The following SCAND3 variants were observed in gnomAD, a reference collection of about 807,000 sequenced individuals.
SCAND3 encodes the protein SCAN domain containing 3.
the SCAND3 span, chr6:28,572,168 C>G: frequency 6.2e-7 from 1 of 1,613,990 alleles, no homozygotes; most frequent in South Asian, 1.1e-5. This position sits in a 1 kb window ranked among gnomAD's most constrained non-coding sequence, Gnocchi z 4.1. Flanking sequence ...GCTGTATTTT[C>G]AAAACTGATT....
the SCAND3 span, chr6:28,575,977 A>G: frequency 1.9e-6 from 3 of 1,613,714 alleles, no homozygotes; most frequent in East Asian, 6.7e-5. This position sits in a 1 kb window ranked among gnomAD's most constrained non-coding sequence, Gnocchi z 4.2. Context: ...TTTAGAAAAT[A>G]TCTTAGTATT....
the SCAND3 span, chr6:28,575,077 C>T: frequency 1.1e-5 from 18 of 1,614,162 alleles, 1 homozygote; most frequent in Middle Eastern, 2.8e-3. This position sits in a 1 kb window ranked among gnomAD's most constrained non-coding sequence, Gnocchi z 4.2. Context: ...TGTATGCAAG[C>T]TGGCAACAAG....
chr6:28,573,818 G>C, the SCAND3 span: 1 of 1,524,144 alleles, frequency 6.6e-7, no homozygotes, highest in Non-Finnish European at 8.8e-7. Context: ...AGTGAAGCTT[G>C]TTTCGCCATC....
At chr6:28,579,233 C>CA in the SCAND3 span, 1 of 1,586,930 alleles carries the variant, frequency 6.3e-7, no homozygotes, top group Admixed American at 1.7e-5. The surrounding 1 kb of genome is among the most constrained non-coding windows in gnomAD (Gnocchi z 4.5). Flanking sequence ...TTCATTCTCC[C>CA]AAGTCTCACC....
the SCAND3 span, chr6:28,590,394 C>T: frequency 6.6e-6 from 1 of 152,170 alleles, no homozygotes; most frequent in African/African-American, 2.4e-5. Flanking sequence ...GCTATCTTGC[C>T]TCCCCTGAAC....
the SCAND3 span, among the ~76,000 whole-genome samples, chr6:28,607,170 G>A: frequency 6.6e-6 from 1 of 152,096 alleles, no homozygotes; most frequent in South Asian, 2.1e-4. Context: ...GTGTAGCTCA[G>A]TGGTAGAGCG....
chr6:28,589,437 T>G, the SCAND3 span: 3 of 152,200 alleles, frequency 2.0e-5, no homozygotes, highest in African/African-American at 4.8e-5. Flanking sequence ...CGAGTTCGAA[T>G]CTCGGTGGGA....
At chr6:28,570,540 A>G in the SCAND3 span, 1 of 152,206 alleles carries the variant, frequency 6.6e-6, no homozygotes, top group Non-Finnish European at 1.5e-5. Flanking sequence ...ACATAATCCA[A>G]TTAAGGTTTC....
the SCAND3 span, chr6:28,586,397 C>A: frequency 1.9e-6 from 3 of 1,614,206 alleles, no homozygotes; most frequent in East Asian, 2.2e-5. This position sits in a 1 kb window ranked among gnomAD's most constrained non-coding sequence, Gnocchi z 4.4. Context: ...AAGACTGGAG[C>A]TCCTCAGGCA....
the SCAND3 span, among the ~76,000 whole-genome samples, chr6:28,582,934 AAAAAT>A: frequency 9.8e-3 from 1,486 of 152,002 alleles, 11 homozygotes; most frequent in African/African-American, 0.02. The surrounding 1 kb of genome is among the most constrained non-coding windows in gnomAD (Gnocchi z 4.8). Flanking sequence ...AAATAAAAAT[AAAAAT>A]AAAATAAAAT....
At chr6:28,603,976 G>A in the SCAND3 span, among the ~76,000 whole-genome samples, 1 of 152,160 alleles carries the variant, frequency 6.6e-6, no homozygotes, top group South Asian at 2.1e-4. Context: ...CAACAGGACT[G>A]CCCAGATTTC....
At chr6:28,579,230 T>C in the SCAND3 span, 1 of 1,578,786 alleles carries the variant, frequency 6.3e-7, no homozygotes, top group Non-Finnish European at 8.6e-7. This position sits in a 1 kb window ranked among gnomAD's most constrained non-coding sequence, Gnocchi z 4.5. Context: ...CCCTTCATTC[T>C]CCCAAGTCTC....
the SCAND3 span, among the ~76,000 whole-genome samples, chr6:28,578,445 TTAC>T: frequency 6.6e-6 from 1 of 152,182 alleles, no homozygotes; most frequent in East Asian, 1.9e-4. Flanking sequence ...ATCTAACACG[TTAC>T]TACATCTAGT....
chr6:28,596,911 A>G, the SCAND3 span, among the ~76,000 whole-genome samples: 1 of 152,236 alleles, frequency 6.6e-6, no homozygotes, highest in Non-Finnish European at 1.5e-5. Context: ...CCTGCAAAAT[A>G]TAGTATCAAT....
At chr6:28,592,626 T>G in the SCAND3 span, among the ~76,000 whole-genome samples, 2 of 152,148 alleles carry the variant, frequency 1.3e-5, no homozygotes, top group Non-Finnish European at 2.9e-5. This position sits in a 1 kb window ranked among gnomAD's most constrained non-coding sequence, Gnocchi z 4.1. Flanking sequence ...CAAAAAAATC[T>G]TGAGCAAAAT....
the SCAND3 span, among the ~76,000 whole-genome samples, chr6:28,600,495 T>C: frequency 1.3e-5 from 2 of 152,072 alleles, no homozygotes; most frequent in African/African-American, 4.8e-5. Flanking sequence ...TAGGCGGGCA[T>C]GGTGGTGCGT....
the SCAND3 span, chr6:28,579,221 C>A: frequency 6.5e-7 from 1 of 1,531,272 alleles, no homozygotes; most frequent in Non-Finnish European, 8.9e-7. This position sits in a 1 kb window ranked among gnomAD's most constrained non-coding sequence, Gnocchi z 4.5. Flanking sequence ...AATACTAGAC[C>A]CTTCATTCTC....
chr6:28,599,631 C>T, the SCAND3 span, among the ~76,000 whole-genome samples: 1 of 152,146 alleles, frequency 6.6e-6, no homozygotes, highest in Non-Finnish European at 1.5e-5. Flanking sequence ...TGTCTGCCAC[C>T]ATGTGAGACA....
At chr6:28,577,004 T>G in the SCAND3 span, among the ~76,000 whole-genome samples, 2 of 152,156 alleles carry the variant, frequency 1.3e-5, no homozygotes, top group African/African-American at 4.8e-5. Context: ...TCAGTCAGGT[T>G]AGCTATTACA....
Sources: allele counts gnomAD v4.1 joint callset (sites outside exome capture counted in the v4.1 genomes callset), GRCh38; gene constraint gnomAD v4.1.1; non-coding constraint Gnocchi (gnomAD v3.1); transcripts MANE v1.5; gene names NCBI Gene and HGNC (gene_info 2026-07-23, HGNC 2026-07-21).